The following PALLD variants were observed in gnomAD, a reference collection of about 807,000 sequenced individuals.
The protein encoded by PALLD is palladin.
Under a neutral mutation model 123.5 loss-of-function variants are expected in PALLD, and 61 were observed. That is an observed-to-expected ratio of 0.49 (90% CI 0.40 to 0.61). The LOEUF (loss-of-function observed/expected upper bound fraction) is 0.61, where lower values mean the gene tolerates loss of function less well. Ranked by LOEUF, PALLD falls within the 20% of genes least tolerant of loss-of-function variation. The pLI, the probability that PALLD is intolerant of heterozygous loss-of-function variation, is 0.00. For synonymous variants in PALLD, 465 were observed against 496.4 expected (o/e 0.94, Z 0.84); for missense variants, 1,273 against 1,377.0 (o/e 0.92, Z 1.20).
At chr4:168,920,350 G>A (rs767267587) in intron 17 of PALLD, among the ~76,000 whole-genome samples, 2 of 152,188 alleles carry the variant, frequency 1.3e-5, no homozygotes, top group Non-Finnish European at 2.9e-5. Context: ...TGTGTGGTGG[G>A]AGGCATCTTG....
At position 168,696,885 on chromosome 4, in the gene PALLD, A is replaced by G. The variant is rs947199161; in HGVS notation, c.1501+5593A>G. 2.6e-5 allele frequency among the ~76,000 whole-genome samples: 4 copies of G among 152,228 alleles called. No homozygotes were observed. In the South Asian group the frequency reaches 6.2e-4, roughly 24 times the overall value. Reference sequence around the variant, plus strand: ...AGAAGGAGAGAAGAAAGAAGCGGCGAGAGACAGGATTATCAATGAAATAAT... The same window carrying G: ...AGAAGGAGAGAAGAAAGAAGCGGCGGGAGACAGGATTATCAATGAAATAAT... On this transcript the variant is annotated intron_variant, in intron 8 of 21. Transcript: ENST00000505667.
intron 10 of PALLD, among the ~76,000 whole-genome samples, chr4:168,716,822 A>C (rs1035463523): frequency 1.3e-5 from 2 of 152,226 alleles, no homozygotes; most frequent in Non-Finnish European, 2.9e-5. Context: ...AGCCTTTATC[A>C]TTCTCTTTAT....
At chr4:168,734,235 A>G (rs1238487296) in intron 10 of PALLD, among the ~76,000 whole-genome samples, 2 of 152,158 alleles carry the variant, frequency 1.3e-5, no homozygotes, top group Admixed American at 6.5e-5. Context: ...TTACTATTTT[A>G]AGGTTAAATA....
At chr4:168,691,370 C>T (rs1782610813) in intron 8 of PALLD, 78 bp downstream of exon 8, 1 of 1,181,862 alleles carries the variant, frequency 8.5e-7, no homozygotes, top group South Asian at 1.3e-5. Context: ...ATAGTTCTTT[C>T]TTTCTACCTT....
intron 2 of PALLD, among the ~76,000 whole-genome samples, chr4:168,517,779 G>A (rs922175196): frequency 2.0e-5 from 3 of 152,104 alleles, no homozygotes; most frequent in African/African-American, 4.8e-5. Flanking sequence ...CAGGAGTATC[G>A]TTGTTGTTAA....
chr4:168,684,244 G>A (rs1781814332), intron 5 of PALLD, among the ~76,000 whole-genome samples: 1 of 152,154 alleles, frequency 6.6e-6, no homozygotes, highest in Non-Finnish European at 1.5e-5. Context: ...CACACATCTA[G>A]ATATGTAAAT....
rs9654302 is a variant in PALLD at position 168,625,506 on chromosome 4, T to G, written c.909-42684T>G. Reference sequence around the variant, plus strand: ...ATAAGGGATTAATATCCAGGAGATATATATATATATATCCTATAAGGGGTT... The same window carrying G: ...ATAAGGGATTAATATCCAGGAGATAGATATATATATATCCTATAAGGGGTT... On this transcript the variant is annotated intron_variant, in intron 2 of 21. Coordinates refer to ENST00000505667, the MANE Select transcript of PALLD (RefSeq NM_001166108.2). Among the ~76,000 whole-genome samples, 456 of 85,238 alleles carry G rather than the reference T, an allele frequency of 5.3e-3. 2 individuals are homozygous for G. Among genetic ancestry groups the G allele is most frequent in the Middle Eastern group, 0.018 (3 of 164 alleles). The allele number at this position is 85,238 out of a possible 152,430, so 55.9% of individuals were successfully genotyped here.
At chr4:168,826,056 G>T (rs559309035) in intron 10 of PALLD, among the ~76,000 whole-genome samples, 1 of 152,076 alleles carries the variant, frequency 6.6e-6, no homozygotes, top group Non-Finnish European at 1.5e-5. Context: ...CACTGATAAC[G>T]GTATTTCACC....
At chr4:168,870,643 TATA>T (rs2151078728) in intron 10 of PALLD, among the ~76,000 whole-genome samples, 1 of 152,346 alleles carries the variant, frequency 6.6e-6, no homozygotes, top group South Asian at 2.1e-4. Context: ...TCAGGTTCTT[TATA>T]ATATTTAAAT....
chr4:168,761,645 GTTTTTT>G lies in PALLD; in HGVS notation c.1964+49748_1964+49753del, dbSNP rs70961555. 2.4e-4 allele frequency among the ~76,000 whole-genome samples: 21 copies of G among 88,016 alleles called. 1 individual carries two copies. Among genetic ancestry groups the G allele is most frequent in the African/African-American group, 6.2e-4 (15 of 24,156 alleles). 57.7% of individuals were successfully genotyped at this position (88,016 alleles called of 152,430 possible). The stretch of plus-strand genomic sequence containing the variant: ...CCAGCTATTTTTGTTGTTGTTGTTT[GTTTTTT>G]TTTTTTTTTTTTTTTTTTTTTTTTT... On this transcript the variant is annotated intron_variant, in intron 10 of 21. Transcript: ENST00000505667.
intron 10 of PALLD, among the ~76,000 whole-genome samples, chr4:168,735,094 A>T (rs1281982980): frequency 6.6e-6 from 1 of 152,194 alleles, no homozygotes. Context: ...CCTGTTATTC[A>T]TTGAAGAGCT....
chr4:168,735,267 C>A (rs1217163840), intron 10 of PALLD, among the ~76,000 whole-genome samples: 1 of 152,158 alleles, frequency 6.6e-6, no homozygotes, highest in African/African-American at 2.4e-5. Context: ...TGCTCTCGCC[C>A]CACTGGCCTT....
chr4:168,737,544 GT>G (rs1340387287), intron 10 of PALLD, among the ~76,000 whole-genome samples: 1 of 151,874 alleles, frequency 6.6e-6, no homozygotes, highest in Non-Finnish European at 1.5e-5. Flanking sequence ...TTTGAAAACA[GT>G]TTTCTTTACT....
At chr4:168,906,603 A>G (rs6845743) in intron 15 of PALLD, among the ~76,000 whole-genome samples, 129,066 of 152,150 alleles carry the variant, frequency 0.85, 54,934 homozygotes, top group East Asian at 1. Context: ...ATTATAATTT[A>G]TCAATTAGAA....
At chr4:168,858,703 G>A (rs1748979239) in intron 10 of PALLD, among the ~76,000 whole-genome samples, 1 of 151,932 alleles carries the variant, frequency 6.6e-6, no homozygotes, top group African/African-American at 2.4e-5. Flanking sequence ...GATCACTTGG[G>A]CCTGGGAGGT....
intron 2 of PALLD, among the ~76,000 whole-genome samples, chr4:168,599,570 T>C (rs1772336330): frequency 6.6e-6 from 1 of 152,070 alleles, no homozygotes; most frequent in African/African-American, 2.4e-5. Context: ...CAAGTAATAA[T>C]GGATATCAAC....
intron 10 of PALLD, among the ~76,000 whole-genome samples, chr4:168,713,994 T>G (rs949648146): frequency 6.7e-6 from 1 of 148,254 alleles, no homozygotes; most frequent in Non-Finnish European, 1.5e-5. Context: ...TTAAACATAT[T>G]CTTAGGGAAT....
At chr4:168,920,074 G>A (rs948442211) in intron 17 of PALLD, among the ~76,000 whole-genome samples, 7 of 152,174 alleles carry the variant, frequency 4.6e-5, no homozygotes, top group African/African-American at 1.7e-4. Context: ...AACAAGCAGT[G>A]CCGCTTTGTT....
intron 10 of PALLD, among the ~76,000 whole-genome samples, chr4:168,833,964 A>C (rs1208735041): frequency 6.8e-6 from 1 of 148,024 alleles, no homozygotes; most frequent in Non-Finnish European, 1.5e-5. Context: ...TAAACATACG[A>C]GATAGACAAG....
Sources: gnomAD v4.1 joint callset for allele counts (sites outside exome capture counted in the v4.1 genomes callset) on GRCh38, gnomAD v4.1.1 for gene constraint, MANE v1.5 for transcripts, NCBI Gene and HGNC (gene_info 2026-07-23, HGNC 2026-07-21) for gene names.